ATP6V0D2: variants seen among roughly 807,000 people sequenced by gnomAD.
The protein encoded by ATP6V0D2 is ATPase H+ transporting V0 subunit d2.
A neutral mutation model predicts 40.0 loss-of-function variants in ATP6V0D2; 40 were observed. The observed-to-expected ratio is 1.00, with a 90% CI of 0.78 to 1.30. The LOEUF (loss-of-function observed/expected upper bound fraction) is 1.30. Among genes scored for constraint, ATP6V0D2 ranks in the 50% most tolerant of loss-of-function variants. The pLI is 0.00. For missense variants in ATP6V0D2, 470 were observed against 423.1 expected (o/e 1.11, Z -0.97); for synonymous variants, 179 against 156.3 (o/e 1.15, Z -1.08).
chr8:86,151,607 C>T, intron 7 of ATP6V0D2, 67 bp downstream of exon 7: 2 of 1,341,118 alleles, frequency 1.5e-6, no homozygotes, highest in Non-Finnish European at 2.1e-6. Flanking sequence ...TATTTTCTTA[C>T]TTTGGGTTTT....
chr8:86,109,196 G>T (rs376578340), intron 1 of ATP6V0D2, among the ~76,000 whole-genome samples: 2 of 152,034 alleles, frequency 1.3e-5, no homozygotes, highest in East Asian at 1.9e-4. Context: ...TGTAGTAAAG[G>T]CTTTTAATTC....
In ATP6V0D2 at chr8:86,128,474, C is replaced by T. The variant is rs1818775940; in HGVS notation, c.303-10983C>T. ...GTCATCACCAAGTTAAATGTTCTCTCAGGCCCAAAGGACAAAGTTCAGACT... is the reference window on the plus strand; with the variant it reads ...GTCATCACCAAGTTAAATGTTCTCTTAGGCCCAAAGGACAAAGTTCAGACT... On this transcript the variant is annotated intron_variant, in intron 2 of 7. Coordinates refer to ENST00000285393, the MANE Select transcript of ATP6V0D2 (RefSeq NM_152565.1). Among the ~76,000 whole-genome samples the T allele has an allele frequency of 4.6e-5, 7 of 152,344 alleles. No individual in the cohort carries two copies. In the South Asian group the frequency reaches 1.5e-3, roughly 32 times the overall value.
intron 2 of ATP6V0D2, among the ~76,000 whole-genome samples, chr8:86,124,529 C>A (rs1818714252): frequency 6.6e-6 from 1 of 152,098 alleles, no homozygotes; most frequent in African/African-American, 2.4e-5. Context: ...TCCAGGCGAC[C>A]CTGATACAGG....
chr8:86,111,178 T>C (rs1331064136), intron 1 of ATP6V0D2, among the ~76,000 whole-genome samples: 1 of 148,264 alleles, frequency 6.7e-6, no homozygotes, highest in Non-Finnish European at 1.5e-5. Flanking sequence ...TTTTCTTTTT[T>C]TTTCTTTCTT....
intron 2 of ATP6V0D2, among the ~76,000 whole-genome samples, chr8:86,136,495 A>G (rs1818899396): frequency 1.3e-5 from 2 of 152,176 alleles, no homozygotes; most frequent in African/African-American, 4.8e-5. Flanking sequence ...ATTGCTTTTG[A>G]GCCATAAAGG....
At chr8:86,115,550 GTAGAGATGGGGGTTTCACCGTGT>G (rs1226433985) in intron 2 of ATP6V0D2, among the ~76,000 whole-genome samples, 1 of 151,470 alleles carries the variant, frequency 6.6e-6, no homozygotes, top group Non-Finnish European at 1.5e-5. Context: ...TGTATTTTTA[GTAGAGATGGGGGTTTCACCGTGT>G]TGTCTGGGCT....
intron 1 of ATP6V0D2, 71 bp from the exon 2 acceptor site, chr8:86,113,638 C>A: frequency 7.5e-7 from 1 of 1,335,144 alleles, no homozygotes; most frequent in Non-Finnish European, 1.0e-6. Context: ...AGCATGAATT[C>A]AACTAATGTT....
At chr8:86,121,478 G>A (rs912421335) in intron 2 of ATP6V0D2, among the ~76,000 whole-genome samples, 4 of 152,158 alleles carry the variant, frequency 2.6e-5, no homozygotes, top group Non-Finnish European at 5.9e-5. Flanking sequence ...GCTGAGGCGT[G>A]AGAATTGCTT....
chr8:86,114,982 G>A (rs1818574700), intron 2 of ATP6V0D2, among the ~76,000 whole-genome samples: 1 of 152,170 alleles, frequency 6.6e-6, no homozygotes, highest in Non-Finnish European at 1.5e-5. Flanking sequence ...CATAGTATAA[G>A]CCAAAGATTA....
intron 1 of ATP6V0D2, among the ~76,000 whole-genome samples, chr8:86,104,452 A>C (rs1818442224): frequency 6.6e-6 from 1 of 152,202 alleles, no homozygotes; most frequent in Non-Finnish European, 1.5e-5. Flanking sequence ...GATTACCAAG[A>C]TACATTAAGT....
intron 5 of ATP6V0D2, among the ~76,000 whole-genome samples, chr8:86,148,024 C>T (rs1035728308): frequency 6.6e-6 from 1 of 152,164 alleles, no homozygotes; most frequent in Non-Finnish European, 1.5e-5. Flanking sequence ...CCTGCTTTGT[C>T]TCCTGCAGCT....
chr8:86,134,824 A>G (rs1041611689), intron 2 of ATP6V0D2, among the ~76,000 whole-genome samples: 1 of 152,260 alleles, frequency 6.6e-6, no homozygotes, highest in Non-Finnish European at 1.5e-5. Flanking sequence ...TATCAATACC[A>G]TGGAATACTA....
chr8:86,116,308 A>T (rs1431971043), intron 2 of ATP6V0D2, among the ~76,000 whole-genome samples: 1 of 152,128 alleles, frequency 6.6e-6, no homozygotes, highest in Admixed American at 6.6e-5. Context: ...ATACAAATGG[A>T]ATCATATTCC....
At chr8:86,103,354 C>T (rs2130224771) in intron 1 of ATP6V0D2, among the ~76,000 whole-genome samples, 1 of 150,040 alleles carries the variant, frequency 6.7e-6, no homozygotes, top group Non-Finnish European at 1.5e-5. Context: ...TGGTCTCAAA[C>T]TCCTAACCCC....
intron 2 of ATP6V0D2, among the ~76,000 whole-genome samples, chr8:86,123,267 A>G (rs1818696821): frequency 6.6e-6 from 1 of 152,220 alleles, no homozygotes; most frequent in Non-Finnish European, 1.5e-5. Flanking sequence ...CTTAAAAATA[A>G]AGTGTCCAAG....
At chr8:86,144,801 G>A (rs989214498) in intron 5 of ATP6V0D2, among the ~76,000 whole-genome samples, 1 of 151,852 alleles carries the variant, frequency 6.6e-6, no homozygotes, top group Non-Finnish European at 1.5e-5. Flanking sequence ...TGAGTAGCTG[G>A]AACCACATGC....
intron 5 of ATP6V0D2, among the ~76,000 whole-genome samples, chr8:86,146,057 G>A (rs1004949355): frequency 5.3e-5 from 8 of 152,190 alleles, no homozygotes; most frequent in Non-Finnish European, 1.0e-4. Flanking sequence ...GTTGGCTCAC[G>A]TACTTATGTG....
At chr8:86,139,704 T>C in intron 3 of ATP6V0D2, 69 bp downstream of exon 3, 1 of 1,466,934 alleles carries the variant, frequency 6.8e-7, no homozygotes, top group South Asian at 1.4e-5. Flanking sequence ...ATGTACTATT[T>C]TTTTCTTCCC....
intron 2 of ATP6V0D2, 75 bp downstream of exon 2, chr8:86,113,955 A>G (rs968427897): frequency 7.2e-7 from 1 of 1,382,564 alleles, no homozygotes. Flanking sequence ...CAGGGTGGGT[A>G]TCAAGCCAGA....
Sources: gnomAD v4.1 joint callset for allele counts (sites outside exome capture counted in the v4.1 genomes callset) on GRCh38, gnomAD v4.1.1 for gene constraint, MANE v1.5 for transcripts, NCBI Gene and HGNC (gene_info 2026-07-23, HGNC 2026-07-21) for gene names.